Variants in CPA1 observed in about 807,000 individuals in gnomAD.
The protein encoded by CPA1 is carboxypeptidase A1.
In CPA1, 42 loss-of-function variants were observed where a neutral mutation model predicts 48.7. The observed-to-expected ratio is 0.86, with a 90% CI of 0.67 to 1.11. CPA1 has a LOEUF of 1.11. Ranked by LOEUF, CPA1 falls within the 50% of genes most tolerant of loss-of-function variation. The pLI, the probability that CPA1 is intolerant of heterozygous loss-of-function variation, is 0.00. For missense variants in CPA1, 477 were observed against 544.7 expected (o/e 0.88, Z 1.24); for synonymous variants, 203 against 217.9 (o/e 0.93, Z 0.60).
chr7:130,386,969 C>T (rs1334433345), intron 9 of CPA1, among the ~76,000 whole-genome samples: 1 of 152,158 alleles, frequency 6.6e-6, no homozygotes, highest in African/African-American at 2.4e-5. Flanking sequence ...AGGTGGCAGC[C>T]AGGAGGCTAT....
At chr7:130,382,054 C>A in intron 3 of CPA1, 54 bp from the exon 4 acceptor site, 1 of 1,460,118 alleles carries the variant, frequency 6.8e-7, no homozygotes, top group Non-Finnish European at 9.6e-7. Context: ...CTAAGGGAAG[C>A]ATCTGGGTGC....
At chr7:130,384,468 C>CCA in intron 6 of CPA1, 68 bp from the exon 7 acceptor site, 9 of 1,307,994 alleles carry the variant, frequency 6.9e-6, no homozygotes, top group Middle Eastern at 2.0e-4. Flanking sequence ...CTCTGAACCA[C>CCA]CCCCCACCCA....
rs1554411830 is a variant in CPA1 at position 130,385,301 on chromosome 7, C to A, written c.943C>A (p.Pro315Thr). Residue 315 changes from proline (P) to threonine (T), a missense_variant, in exon 8 of 10, where the codon CCC becomes ACC. Coordinates refer to ENST00000011292, the MANE Select transcript of CPA1 (RefSeq NM_001868.4). ...CAGCTACTCCCAGCTCCTCATGTAT[C>A]CCTATGGCTACAAAACAGAACCAGT... ...IHSYSQLLMY[P>T]YGYKTEPVPD... 1 of 1,614,202 alleles carries A rather than the reference C, an allele frequency of 6.2e-7. No individual in the cohort carries two copies. Among genetic ancestry groups the A allele is most frequent in the Non-Finnish European group, 8.5e-7 (1 of 1,180,030 alleles).
Position 130,385,282 on chromosome 7 carries a change from C to G in CPA1, c.924C>G (p.Tyr308Ter). The G allele has an allele frequency of 6.2e-7, 1 of 1,614,242 alleles. No homozygotes were observed. Among genetic ancestry groups the G allele is most frequent in the South Asian group, 1.1e-5 (1 of 91,088 alleles). The change falls in exon 8 of 10, where the codon TAC becomes TAG. Residue 308 changes from tyrosine (Y) to a stop codon, truncating the protein, a stop_gained. Coordinates refer to ENST00000011292, the MANE Select transcript of CPA1 (RefSeq NM_001868.4). LOFTEE classifies it high-confidence loss of function. ...AGGCCTTCATCTCCATCCACAGCTA[C>G]TCCCAGCTCCTCATGTATCCCTATG... Reference protein sequence around the residue: ...NIKAFISIHSYSQLLMYPYGY... With the variant: ...NIKAFISIHS
At chr7:130,383,353 T>G in intron 4 of CPA1, 38 bp from the exon 5 acceptor site, 25 of 1,570,774 alleles carry the variant, frequency 1.6e-5, no homozygotes, top group African/African-American at 2.7e-5. Flanking sequence ...GCCTCAGCTG[T>G]GAAATTGCCT....
chr7:130,385,910 C>T lies in CPA1; in HGVS notation c.1059C>T (p.Ile353=), dbSNP rs1554411966. The change falls in exon 9 of 10, where the codon ATC becomes ATT. Residue 353 remains isoleucine, a synonymous_variant. Coordinates refer to ENST00000011292, the MANE Select transcript of CPA1 (RefSeq NM_001868.4). The stretch of plus-strand genomic sequence containing the variant: ...GGACCAAGTTCAACTATGGCAGCAT[C>T]ATCAAGGCAATTTGTAAGTGGCCGT... ...LYGTKFNYGS[I]IKAIYQASGS... 1 of 1,614,004 alleles carries T rather than the reference C, an allele frequency of 6.2e-7. No homozygotes were observed.
At chr7:130,386,046 C>T in intron 9 of CPA1, 123 bp downstream of exon 9, 2 of 791,512 alleles carry the variant, frequency 2.5e-6, no homozygotes, top group East Asian at 5.3e-5. Context: ...CAACTGCTGG[C>T]AAGGGCTATT....
In CPA1 at chr7:130,387,943, C is replaced by T. The variant is rs782420276; in HGVS notation, c.1192C>T (p.Pro398Ser). The T allele has an allele frequency of 5.4e-5, 87 of 1,614,014 alleles. No individual in the cohort carries two copies. The highest frequency in any genetic ancestry group is 6.9e-5 in the Non-Finnish European group (82 of 1,180,046). Residue 398 changes from proline to serine, a missense_variant, in exon 10 of 10, where the codon CCC becomes TCC. Coordinates refer to ENST00000011292, the MANE Select transcript of CPA1 (RefSeq NM_001868.4). This position sits in a 1 kb window ranked among gnomAD's most constrained non-coding sequence, Gnocchi z 4.6. ...GFLLPASQII[P>S]TAKETWLALL... ...CCTGCTGCCAGCCTCCCAGATCATC[C>T]CCACAGCCAAGGAGACGTGGCTGGC...
At position 130,385,410 on chromosome 7, in the gene CPA1, C is replaced by A. The variant is rs564265802; in HGVS notation, c.987+65C>A. The A allele has an allele frequency of 3.3e-5, 47 of 1,436,188 alleles. No homozygotes were observed. In the East Asian group the frequency reaches 4.3e-4, roughly 13 times the overall value. 89.0% of individuals were successfully genotyped at this position (1,436,188 alleles called of 1,614,324 possible). ...GGCTTCGGACAGGCCCAGGCTTTCC[C>A]CCATCAGACCTGCTTAAGGCACAGA... is the stretch of plus-strand genomic sequence containing the variant. On this transcript the variant is annotated intron_variant, in intron 8 of 9. Transcript: ENST00000011292.
chr7:130,381,194 G>A lies in CPA1; in HGVS notation c.147+15G>A, dbSNP rs781784722. On this transcript the variant is annotated intron_variant, in intron 2 of 9. Coordinates refer to ENST00000011292, the MANE Select transcript of CPA1 (RefSeq NM_001868.4). ...AGCACCTGCAGGTCAGAAGAGGGGAGAAGGGCTCTCTGAGGCCCCAGGGTA... is the reference window on the plus strand; with the variant it reads ...AGCACCTGCAGGTCAGAAGAGGGGAAAAGGGCTCTCTGAGGCCCCAGGGTA... The A allele has an allele frequency of 6.3e-7, 1 of 1,599,464 alleles. No individual in the cohort carries two copies. The highest frequency in any genetic ancestry group is 8.6e-7 in the Non-Finnish European group (1 of 1,168,804).
Position 130,381,808 on chromosome 7 carries a change from C to T in CPA1, c.326C>T (p.Ser109Phe). The T allele has an allele frequency of 6.2e-7, 1 of 1,614,138 alleles. No individual in the cohort carries two copies. Among genetic ancestry groups the T allele is most frequent in the East Asian group, 2.2e-5 (1 of 44,874 alleles). ...CAGGAGCAGATGTTCGCCTTCCGGTCCCGGGCGCGCTCCACCGACACTTTT... is the reference window on the plus strand; with the variant it reads ...CAGGAGCAGATGTTCGCCTTCCGGTTCCGGGCGCGCTCCACCGACACTTTT... The part of the protein sequence containing the change: ...EEQEQMFAFR[S>F]RARSTDTFNY... Residue 109 changes from serine (S) to phenylalanine (F), a missense_variant, in exon 3 of 10, where the codon TCC becomes TTC. Physicochemically the swap from Ser to Phe is radical, Grantham distance 155. Coordinates refer to ENST00000011292, the MANE Select transcript of CPA1 (RefSeq NM_001868.4).
At chr7:130,380,896 A>G (rs1796394476) in intron 1 of CPA1, 2 of 610,874 alleles carry the variant, frequency 3.3e-6, no homozygotes. Context: ...AGCGTCTAGA[A>G]GTTTCTAAAG....
In CPA1 at chr7:130,381,635, C is replaced by CAAGG; in HGVS notation, c.153_154insAAGG (p.Phe52LysfsTer37). 1 of 1,613,416 alleles carries CAAGG rather than the reference C, an allele frequency of 6.2e-7. No homozygotes were observed. The highest frequency in any genetic ancestry group is 8.5e-7 in the Non-Finnish European group (1 of 1,179,670). ...CCGGCTCTTGTCCTCCCCAGCTGGA[C>CAAGG]TTCTGGCGGGGGCCTGCCCACCCTG... On this transcript the variant is annotated frameshift_variant, in exon 3 of 10. Coordinates refer to ENST00000011292, the MANE Select transcript of CPA1 (RefSeq NM_001868.4). LOFTEE classifies it high-confidence loss of function.
intron 4 of CPA1, among the ~76,000 whole-genome samples, chr7:130,382,788 C>T (rs985230114): frequency 9.2e-5 from 14 of 152,094 alleles, no homozygotes; most frequent in African/African-American, 2.4e-4. Flanking sequence ...GGATTACAGG[C>T]GCCTGCCACC....
At position 130,387,253 on chromosome 7, in the gene CPA1, C is replaced by T. The variant is rs1796487200; in HGVS notation, c.1073-571C>T. Among the ~76,000 whole-genome samples, 1 of 152,200 alleles carries T rather than the reference C, an allele frequency of 6.6e-6. No individual in the cohort carries two copies. The highest frequency in any genetic ancestry group is 1.5e-5 in the Non-Finnish European group (1 of 68,032). ...TCCAGGCCTTCTTTGGAAACTGATT[C>T]AACTCTGAGTCAAGGTTTTGCTTCA... On this transcript the variant is annotated intron_variant, in intron 9 of 9. Coordinates refer to ENST00000011292, the MANE Select transcript of CPA1 (RefSeq NM_001868.4). This position sits in a 1 kb window ranked among gnomAD's most constrained non-coding sequence, Gnocchi z 4.6.
At chr7:130,384,764 T>A (rs1329998082) in intron 7 of CPA1, 138 bp downstream of exon 7, 3 of 708,634 alleles carry the variant, frequency 4.2e-6, no homozygotes, top group Non-Finnish European at 7.2e-6. Context: ...TGAGGGCTCT[T>A]GGGGATGGAG....
intron 6 of CPA1, chr7:130,384,265 CA>C: frequency 1.9e-6 from 1 of 538,608 alleles, no homozygotes; most frequent in Non-Finnish European, 3.3e-6. Flanking sequence ...ACCCTCTGGC[CA>C]AATGCCATCC....
chr7:130,381,665 C>G lies in CPA1; in HGVS notation c.183C>G (p.Ser61=), dbSNP rs1364008675. 8 of 1,613,872 alleles carry G rather than the reference C, an allele frequency of 5.0e-6. No individual in the cohort carries two copies. The highest frequency in any genetic ancestry group is 1.3e-5 in the African/African-American group (1 of 74,924). ...GGCGGGGGCCTGCCCACCCTGGCTC[C>G]CCCATCGACGTCCGAGTGCCCTTCC... is the stretch of plus-strand genomic sequence containing the variant. The part of the protein sequence containing the change: ...DFWRGPAHPG[S]PIDVRVPFPS... The change falls in exon 3 of 10, where the codon TCC becomes TCG. Residue 61 remains serine, a synonymous_variant. Transcript: ENST00000011292.
chr7:130,386,831 G>T (rs1226091559), intron 9 of CPA1, among the ~76,000 whole-genome samples: 1 of 152,172 alleles, frequency 6.6e-6, no homozygotes, highest in Non-Finnish European at 1.5e-5. Context: ...TGCTGGGGAG[G>T]AAAACTAAAA....
Sources: allele counts gnomAD v4.1 joint callset (sites outside exome capture counted in the v4.1 genomes callset), GRCh38; gene constraint gnomAD v4.1.1; non-coding constraint Gnocchi (gnomAD v3.1); transcripts MANE v1.5; gene names NCBI Gene and HGNC (gene_info 2026-07-23, HGNC 2026-07-21).